PLS1: variants seen among roughly 807,000 people sequenced by gnomAD.
PLS1 encodes the protein plastin-1.
A neutral mutation model predicts 73.7 loss-of-function variants in PLS1; 32 were observed. The observed-to-expected ratio is 0.43, with a 90% CI of 0.33 to 0.58. The LOEUF is 0.58. PLS1 is among the 20% of genes least tolerant of loss of function. PLS1 has a pLI of 0.04. For synonymous variants in PLS1, 217 were observed against 261.3 expected, an observed-to-expected ratio of 0.83 and a Z score of 1.63; for missense variants, 633 against 740.5, an observed-to-expected ratio of 0.85 and a Z score of 1.68.
chr3:142,688,702 A>G (rs1180230376), intron 9 of PLS1, among the ~76,000 whole-genome samples: 1 of 152,158 alleles, frequency 6.6e-6, no homozygotes, highest in African/African-American at 2.4e-5. Flanking sequence ...ATCATGTTAT[A>G]CTTAAATTTC....
intron 5 of PLS1, among the ~76,000 whole-genome samples, chr3:142,677,358 G>A (rs551800193): frequency 1.3e-5 from 2 of 152,184 alleles, no homozygotes; most frequent in South Asian, 4.1e-4. Flanking sequence ...GAAAATTCAG[G>A]GTGATGACTG....
chr3:142,712,044 G>A lies in PLS1; in HGVS notation c.*37G>A. The A allele has an allele frequency of 6.3e-7, 1 of 1,579,250 alleles. No homozygotes were observed. Among genetic ancestry groups the A allele is most frequent in the Non-Finnish European group, 8.7e-7 (1 of 1,149,168 alleles). ...GATTTTCTGCCACATTAAACATATT[G>A]TATGCCTCACAGTTTACAGGATTCT... On this transcript the variant is annotated 3_prime_UTR_variant, in exon 16 of 16. Transcript: ENST00000457734.
At chr3:142,602,728 G>A (rs972073895) in intron 1 of PLS1, among the ~76,000 whole-genome samples, 5 of 152,082 alleles carry the variant, frequency 3.3e-5, no homozygotes, top group East Asian at 1.9e-4. Context: ...AGCTGAGAGC[G>A]TGCTTCCCTC....
intron 1 of PLS1, among the ~76,000 whole-genome samples, chr3:142,610,433 A>T (rs1353588147): frequency 6.6e-6 from 1 of 152,200 alleles, no homozygotes; most frequent in East Asian, 1.9e-4. Context: ...TGTGATTCGG[A>T]TCATACTTAA....
intron 1 of PLS1, among the ~76,000 whole-genome samples, chr3:142,654,139 A>C (rs1429352270): frequency 2.0e-5 from 3 of 152,176 alleles, no homozygotes; most frequent in Non-Finnish European, 4.4e-5. Flanking sequence ...GTGGCTGGTC[A>C]TGGAGATGAC....
At chr3:142,634,804 TA>T (rs1168548112) in intron 1 of PLS1, among the ~76,000 whole-genome samples, 1 of 152,050 alleles carries the variant, frequency 6.6e-6, no homozygotes, top group Non-Finnish European at 1.5e-5. Flanking sequence ...GCTACATGAG[TA>T]AACAGATAAG....
intron 12 of PLS1, among the ~76,000 whole-genome samples, chr3:142,699,740 A>G (rs560848347): frequency 6.6e-6 from 1 of 152,350 alleles, no homozygotes; most frequent in East Asian, 1.9e-4. Flanking sequence ...TTCCACATCT[A>G]TAGAATGAAA....
intron 1 of PLS1, among the ~76,000 whole-genome samples, chr3:142,615,774 A>T (rs141384885): frequency 4.3e-4 from 65 of 152,268 alleles, no homozygotes; most frequent in African/African-American, 1.4e-3. Context: ...CCATGTAAGG[A>T]CAGTGATGTT....
chr3:142,616,432 C>T (rs1290613037), intron 1 of PLS1, among the ~76,000 whole-genome samples: 1 of 152,230 alleles, frequency 6.6e-6, no homozygotes, highest in Middle Eastern at 3.4e-3. Context: ...CAATTAATCA[C>T]TTATTTTACT....
intron 1 of PLS1, among the ~76,000 whole-genome samples, chr3:142,635,217 A>T (rs1265275531): frequency 1.3e-5 from 2 of 152,184 alleles, no homozygotes; most frequent in African/African-American, 2.4e-5. Context: ...AGAAGAAAGG[A>T]GATAAAATGG....
At chr3:142,606,241 G>C (rs1201769005) in intron 1 of PLS1, among the ~76,000 whole-genome samples, 1 of 152,132 alleles carries the variant, frequency 6.6e-6, no homozygotes, top group Non-Finnish European at 1.5e-5. Context: ...ATTTAATCTA[G>C]AAAGGATACC....
At chr3:142,659,069 A>C (rs2037305310) in intron 1 of PLS1, among the ~76,000 whole-genome samples, 1 of 152,234 alleles carries the variant, frequency 6.6e-6, no homozygotes, top group Non-Finnish European at 1.5e-5. Context: ...GAGCAGATAA[A>C]TGCGTAGTGA....
intron 2 of PLS1, among the ~76,000 whole-genome samples, chr3:142,666,741 G>A (rs922947415): frequency 1.3e-5 from 2 of 152,148 alleles, no homozygotes; most frequent in African/African-American, 2.4e-5. Context: ...CATAGTGGAG[G>A]CACCATTTTA....
intron 1 of PLS1, among the ~76,000 whole-genome samples, chr3:142,649,229 A>G (rs13100985): frequency 0.62 from 93,930 of 150,992 alleles, 29,610 homozygotes; most frequent in African/African-American, 0.66. Context: ...AGTCCCAGCT[A>G]CTCGGGAGGC....
At chr3:142,645,649 G>C (rs1031004282) in intron 1 of PLS1, 2 of 152,138 alleles carry the variant, frequency 1.3e-5, no homozygotes, top group Non-Finnish European at 2.9e-5. Context: ...CAGTTCTTTA[G>C]TGTTGGTCTT....
chr3:142,699,836 G>A lies in PLS1; in HGVS notation c.1371+1769G>A, dbSNP rs540564007. On this transcript the variant is annotated intron_variant, in intron 12 of 15. Transcript: ENST00000457734. ...CATCATAATATTAAAGTAGTTAAAT[G>A]GGTGGTATAATTATAAAGAGTTACT... Among the ~76,000 whole-genome samples, 8 of 152,268 alleles carry A rather than the reference G, an allele frequency of 5.3e-5. No individual in the cohort carries two copies. The South Asian group carries it at 1.7e-3, about 32-fold the overall frequency.
chr3:142,674,094 ATTGCTTCTT>A (rs1184012611), intron 4 of PLS1, among the ~76,000 whole-genome samples: 2 of 152,124 alleles, frequency 1.3e-5, no homozygotes, highest in Non-Finnish European at 2.9e-5. Flanking sequence ...ACTAAAAGTG[ATTGCTTCTT>A]TTTTTAAATT....
At chr3:142,706,384 G>A (rs73002087) in intron 14 of PLS1, among the ~76,000 whole-genome samples, 4,246 of 152,236 alleles carry the variant, frequency 0.028, 211 homozygotes, top group African/African-American at 0.098. Flanking sequence ...ATCATAGATG[G>A]TGGGAGGATT....
At chr3:142,671,269 TAACATGCCATTGAA>T in intron 4 of PLS1, 147 bp downstream of exon 4, 1 of 689,060 alleles carries the variant, frequency 1.5e-6, no homozygotes, top group Non-Finnish European at 2.5e-6. Context: ...GACCACAGTA[TAACATGCCATTGAA>T]TTTGAAATAC....
Sources: gnomAD v4.1 joint callset for allele counts (sites outside exome capture counted in the v4.1 genomes callset) on GRCh38, gnomAD v4.1.1 for gene constraint, MANE v1.5 for transcripts, NCBI Gene and HGNC (gene_info 2026-07-23, HGNC 2026-07-21) for gene names.